Variants in ASAP1 observed in about 807,000 individuals in gnomAD.
The protein encoded by ASAP1 is arf-GAP with SH3 domain, ANK repeat and PH domain-containing protein 1.
In ASAP1, 43 loss-of-function variants were observed where a neutral mutation model predicts 145.2. The ratio of observed to expected loss-of-function variants is 0.30; its 90% confidence interval spans 0.23 to 0.38. The LOEUF (loss-of-function observed/expected upper bound fraction) is 0.38. Among genes scored for constraint, ASAP1 ranks in the 10% least tolerant of loss-of-function variants. ASAP1 has a pLI of 1.00. For synonymous variants in ASAP1, 546 were observed against 515.5 expected (o/e 1.06, Z -0.80); for missense variants, 1,018 against 1,355.3 (o/e 0.75, Z 3.91).
chr8:130,058,266 C>A (rs2097408900), intron 28 of ASAP1, among the ~76,000 whole-genome samples, 190 bp from the exon 29 acceptor site: 3 of 152,292 alleles, frequency 2.0e-5, no homozygotes, highest in African/African-American at 7.2e-5. Flanking sequence ...TAACTACAGG[C>A]CCTTCCTCTC....
chr8:130,227,172 C>T lies in ASAP1; in HGVS notation c.259+9750G>A, dbSNP rs905736731. Reference sequence around the variant, plus strand: ...TATATGTAAAATCGAGATAATAAAACCTCATTGGGTTCTTGTTCTGCTAAT... The same window carrying T: ...TATATGTAAAATCGAGATAATAAAATCTCATTGGGTTCTTGTTCTGCTAAT... On this transcript the variant is annotated intron_variant, in intron 4 of 29. Coordinates refer to ENST00000518721, the MANE Select transcript of ASAP1 (RefSeq NM_018482.4). 5.3e-5 allele frequency among the ~76,000 whole-genome samples: 8 copies of T among 152,234 alleles called. 1 individual carries two copies. In the Middle Eastern group the frequency reaches 0.014, roughly 261 times the overall value.
chr8:130,406,884 T>C (rs1829055330), intron 1 of ASAP1, among the ~76,000 whole-genome samples: 1 of 152,206 alleles, frequency 6.6e-6, no homozygotes, highest in Non-Finnish European at 1.5e-5. Flanking sequence ...TTTATGATGC[T>C]ATTCCTCTTA....
At chr8:130,300,145 C>CAG (rs1565185889) in intron 3 of ASAP1, among the ~76,000 whole-genome samples, 5 of 107,448 alleles carry the variant, frequency 4.7e-5, no homozygotes, top group South Asian at 3.1e-4. Flanking sequence ...CACACACACA[C>CAG]ACACACACAG....
At chr8:130,264,274 T>C (rs1324168956) in intron 3 of ASAP1, among the ~76,000 whole-genome samples, 3 of 152,228 alleles carry the variant, frequency 2.0e-5, no homozygotes, top group Non-Finnish European at 4.4e-5. Context: ...TGATGTTTCA[T>C]TTCACCTGGT....
chr8:130,314,799 G>A (rs1465119955), intron 3 of ASAP1, among the ~76,000 whole-genome samples: 2 of 152,208 alleles, frequency 1.3e-5, no homozygotes, highest in Non-Finnish European at 2.9e-5. Context: ...GTTTAGATGT[G>A]GTCGGGATGT....
chr8:130,126,085 G>A lies in ASAP1; in HGVS notation c.1386C>T (p.Pro462=), dbSNP rs1325595901. The A allele has an allele frequency of 6.2e-7, 1 of 1,603,550 alleles. No individual in the cohort carries two copies. The change falls in exon 17 of 30, where the codon CCC becomes CCT. Residue 462 remains proline (P), a synonymous_variant. Transcript: ENST00000518721. ...TACCCAAGTTGGTTGAAAGCCAGGT[G>A]GGTTCTGTGGAAAGAATGTTGAAGA... ...DICCDCGSSE[P]TWLSTNLGIL... is the part of the protein sequence containing the mutation.
At chr8:130,380,148 G>A (rs1827699571) in intron 2 of ASAP1, among the ~76,000 whole-genome samples, 1 of 152,218 alleles carries the variant, frequency 6.6e-6, no homozygotes, top group Admixed American at 6.5e-5. Flanking sequence ...TGAGTACAAG[G>A]AGTCTATTTG....
chr8:130,424,555 G>A (rs1163966019), intron 1 of ASAP1, among the ~76,000 whole-genome samples: 1 of 152,132 alleles, frequency 6.6e-6, no homozygotes, highest in African/African-American at 2.4e-5. Flanking sequence ...CCAGTGACAT[G>A]CTGGGATTGG....
At chr8:130,363,051 CCTCT>C (rs1257353048) in intron 2 of ASAP1, among the ~76,000 whole-genome samples, 1 of 152,192 alleles carries the variant, frequency 6.6e-6, no homozygotes, top group Non-Finnish European at 1.5e-5. Context: ...AAGTATTTCT[CCTCT>C]CTGAGTCTCA....
intron 1 of ASAP1, among the ~76,000 whole-genome samples, chr8:130,440,106 C>A (rs1830441127): frequency 6.6e-6 from 1 of 152,116 alleles, no homozygotes; most frequent in African/African-American, 2.4e-5. Flanking sequence ...TCTCCAAGAT[C>A]TAAGTAGGCT....
chr8:130,441,007 T>C (rs1044170689), intron 1 of ASAP1, among the ~76,000 whole-genome samples: 1 of 152,228 alleles, frequency 6.6e-6, no homozygotes, highest in Non-Finnish European at 1.5e-5. Flanking sequence ...GCCAGGTCTA[T>C]TTCGTCCACC....
chr8:130,348,525 A>T (rs890178906), intron 3 of ASAP1, among the ~76,000 whole-genome samples: 2 of 152,192 alleles, frequency 1.3e-5, no homozygotes, highest in African/African-American at 4.8e-5. Context: ...CTGTTCAGAC[A>T]GGGCTGTGGG....
rs552318601 is a variant in ASAP1 at position 130,282,932 on chromosome 8, CA to C, written c.187-45939del. 1.2e-4 allele frequency among the ~76,000 whole-genome samples: 19 copies of C among 152,332 alleles called. No homozygotes were observed. In the South Asian group the frequency reaches 3.7e-3, roughly 30 times the overall value. ...AACAACCTTCATCATTTAAGTAAAA[CA>C]GCCACTAATTGAATAGCTTTAGCTG... On this transcript the variant is annotated intron_variant, in intron 3 of 29. Coordinates refer to ENST00000518721, the MANE Select transcript of ASAP1 (RefSeq NM_018482.4).
At chr8:130,422,171 C>T (rs1213317769) in intron 1 of ASAP1, among the ~76,000 whole-genome samples, 1 of 152,082 alleles carries the variant, frequency 6.6e-6, no homozygotes, top group Non-Finnish European at 1.5e-5. Context: ...CAGAGACCAA[C>T]CTGAGCCACA....
chr8:130,239,913 G>C (rs1334951759), intron 3 of ASAP1, among the ~76,000 whole-genome samples: 1 of 152,094 alleles, frequency 6.6e-6, no homozygotes, highest in Non-Finnish European at 1.5e-5. Flanking sequence ...GTTGTGGAAG[G>C]CAAGTCCAAG....
rs745831999 is a variant in ASAP1, at chr8:130,401,986, G to A, written c.-27-16C>T. On this transcript the variant is annotated splice_polypyrimidine_tract_variant and intron_variant, in intron 1 of 29. Coordinates refer to ENST00000518721, the MANE Select transcript of ASAP1 (RefSeq NM_018482.4). ...AGAAAACGACCTGGATAGGGGGCAG[G>A]ACAAAAAGGGGACAAGAGTCATCCG... The A allele has an allele frequency of 2.6e-6, 4 of 1,553,122 alleles. No homozygotes were observed. In the South Asian group the frequency reaches 3.4e-5, roughly 13 times the overall value.
chr8:130,438,553 C>CA (rs1830392370), intron 1 of ASAP1, among the ~76,000 whole-genome samples: 1 of 152,228 alleles, frequency 6.6e-6, no homozygotes, highest in Non-Finnish European at 1.5e-5. Context: ...ACCCAGCTCA[C>CA]ACCCTGCCCA....
chr8:130,417,114 G>A (rs1490384068), intron 1 of ASAP1, among the ~76,000 whole-genome samples: 8 of 151,720 alleles, frequency 5.3e-5, no homozygotes, highest in Non-Finnish European at 7.4e-5. Flanking sequence ...ACACACAGAA[G>A]TGAAACCCAT....
At chr8:130,072,803 G>GTT in intron 27 of ASAP1, among the ~76,000 whole-genome samples, 1 of 44,918 alleles carries the variant, frequency 2.2e-5, no homozygotes, top group Non-Finnish European at 4.3e-5. Flanking sequence ...ATGTGTGTGT[G>GTT]TGTGTGTGTG....
Sources: gnomAD v4.1 joint callset for allele counts (sites outside exome capture counted in the v4.1 genomes callset) on GRCh38, gnomAD v4.1.1 for gene constraint, MANE v1.5 for transcripts, NCBI Gene and HGNC (gene_info 2026-07-23, HGNC 2026-07-21) for gene names.